ETFB: variants seen among roughly 807,000 people sequenced by gnomAD.
ETFB encodes beta-ETF.
A neutral mutation model predicts 25.6 loss-of-function variants in ETFB; 20 were observed. The observed-to-expected ratio is 0.78, with a 90% CI of 0.55 to 1.14. The LOEUF (loss-of-function observed/expected upper bound fraction) is 1.14. Among genes scored for constraint, ETFB ranks in the 50% most tolerant of loss-of-function variants. ETFB has a pLI of 0.00. For missense variants in ETFB, 286 were observed against 342.6 expected (o/e 0.83, Z 1.30); for synonymous variants, 142 against 146.7 (o/e 0.97, Z 0.23).
intron 1 of ETFB, among the ~76,000 whole-genome samples, chr19:51,360,749 C>T (rs1179235872): frequency 7.3e-5 from 11 of 149,730 alleles, no homozygotes; most frequent in Non-Finnish European, 1.5e-4. Flanking sequence ...TTCTTCTCTT[C>T]TCTTTTCTTT....
intron 1 of ETFB, chr19:51,356,393 G>A (rs911121266): frequency 6.6e-6 from 1 of 152,152 alleles, no homozygotes; most frequent in Admixed American, 6.6e-5. Flanking sequence ...ACCATACTCT[G>A]ACATTTTCTA....
rs754039782 is a variant in ETFB at position 51,350,365 on chromosome 19, T to C, written c.402A>G (p.Thr134=). ...CAAGAAATCCAGCTGTCATCTGCCC[T>C]GTCTGGTTACAGTCATCATCGATGG... ...KQAIDDDCNQ[T]GQMTAGFLDW... is the part of the protein sequence containing the mutation. Residue 134 remains threonine, a synonymous_variant, in exon 4 of 6, where the codon ACA becomes ACG. Transcript: ENST00000309244. 57 of 1,603,060 alleles carry C rather than the reference T, an allele frequency of 3.6e-5. 2 individuals carry two copies. The South Asian group carries it at 5.9e-4, about 17-fold the overall frequency.
intron 1 of ETFB, chr19:51,356,010 T>A (rs550284328): frequency 6.6e-6 from 1 of 151,542 alleles, no homozygotes; most frequent in African/African-American, 2.4e-5. Flanking sequence ...AGTTACTGGG[T>A]GCAGCACACC....
rs186687012 is a variant in ETFB at position 51,349,568 on chromosome 19, C to T, written c.438+761G>A. Among the ~76,000 whole-genome samples, 40 of 152,038 alleles carry T rather than the reference C, an allele frequency of 2.6e-4. No homozygotes were observed. The East Asian group carries it at 7.4e-3, about 28-fold the overall frequency. Reference sequence around the variant, plus strand: ...ACTCAAGGGATCCTCCCACCTCAGCCTCCTGAGGCTGGTACTACAGGCATG... The same window carrying T: ...ACTCAAGGGATCCTCCCACCTCAGCTTCCTGAGGCTGGTACTACAGGCATG... On this transcript the variant is annotated intron_variant, in intron 4 of 5. Transcript: ENST00000309244.
intron 1 of ETFB, among the ~76,000 whole-genome samples, chr19:51,358,851 C>A (rs1207702831): frequency 7.0e-6 from 1 of 143,784 alleles, no homozygotes; most frequent in East Asian, 2.2e-4. Flanking sequence ...AAAAAAAAAA[C>A]AGCCAGGTAT....
chr19:51,349,054 G>A (rs553109995), intron 4 of ETFB, among the ~76,000 whole-genome samples: 1 of 152,162 alleles, frequency 6.6e-6, no homozygotes, highest in Admixed American at 6.5e-5. Flanking sequence ...CAACCATTCC[G>A]TTTTTTTAGT....
intron 5 of ETFB, chr19:51,345,643 AAC>A (rs1413549478): frequency 3.7e-6 from 2 of 536,094 alleles, no homozygotes; most frequent in Non-Finnish European, 6.8e-6. Flanking sequence ...CACTGGCTGC[AAC>A]AGAGTGGCAA....
chr19:51,347,493 C>A, intron 4 of ETFB: 1 of 199,176 alleles, frequency 5.0e-6, no homozygotes, highest in Non-Finnish European at 1.1e-5. Context: ...AATCCAAAAG[C>A]TGACAATCTG....
chr19:51,347,180 G>T, intron 4 of ETFB, 122 bp from the exon 5 acceptor site: 1 of 997,960 alleles, frequency 1.0e-6, no homozygotes, highest in Non-Finnish European at 1.5e-6. Flanking sequence ...AGCGAACAAT[G>T]CAGGGTCCCA....
chr19:51,347,343 T>C lies in ETFB; in HGVS notation c.439-285A>G, dbSNP rs3786629. On this transcript the variant is annotated intron_variant, in intron 4 of 5. Transcript: ENST00000309244. The stretch of plus-strand genomic sequence containing the variant: ...AACATGTACTGAGTGCTGAGCCCTG[T>C]GCTAAGCAACTGATGTATCAAGTCA... The C allele has an allele frequency of 0.53, 227,811 of 427,250 alleles. 61,849 individuals are homozygous for C. The highest frequency in any genetic ancestry group is 0.58 in the Non-Finnish European group (133,942 of 232,814). 26.5% of individuals were successfully genotyped at this position (427,250 alleles called of 1,614,324 possible). A position where few individuals can be genotyped will look rare whatever the true frequency, so the allele number is the denominator to read the frequency against.
intron 1 of ETFB, chr19:51,361,636 G>C (rs1986229836): frequency 6.6e-6 from 1 of 152,000 alleles, no homozygotes; most frequent in Non-Finnish European, 1.5e-5. Context: ...CTATCCTGTG[G>C]GGTCATCTCT....
chr19:51,345,349 C>A lies in ETFB; in HGVS notation c.630G>T (p.Lys210Asn). The A allele has an allele frequency of 6.2e-7, 1 of 1,614,136 alleles. No individual in the cohort carries two copies. Among genetic ancestry groups the A allele is most frequent in the Non-Finnish European group, 8.5e-7 (1 of 1,180,024 alleles). The stretch of plus-strand genomic sequence containing the variant: ...TCAGGTCCACACCCAGGTCCCCAGG[C>A]TTGATCACCTCGATCTTCTTCTTCT... Reference protein sequence around the residue: ...KAKKKKIEVIKPGDLGVDLTS... With the variant: ...KAKKKKIEVINPGDLGVDLTS... Residue 210 changes from lysine to asparagine, a missense_variant, in exon 6 of 6, where the codon AAG becomes AAT. By Grantham distance (94) the Lys-to-Asn change is moderately conservative. Coordinates refer to ENST00000309244, the MANE Select transcript of ETFB (RefSeq NM_001985.3).
chr19:51,361,696 G>GTTTTTT (rs1568470352), intron 1 of ETFB: 2 of 125,892 alleles, frequency 1.6e-5, no homozygotes, highest in African/African-American at 6.4e-5. Flanking sequence ...GCCTCTCCTG[G>GTTTTTT]GTTTTTTTTT....
chr19:51,354,196 A>G lies in ETFB; in HGVS notation c.170T>C (p.Leu57Pro), dbSNP rs752825481. The G allele has an allele frequency of 6.2e-7, 1 of 1,613,900 alleles. No homozygotes were observed. The highest frequency in any genetic ancestry group is 1.3e-5 in the African/African-American group (1 of 74,850). The change falls in exon 2 of 6, where the codon CTG becomes CCG. Residue 57 changes from leucine to proline, a missense_variant. Coordinates refer to ENST00000309244, the MANE Select transcript of ETFB (RefSeq NM_001985.3). ...GCTGACGGCGATGACCTCCTTCACC[A>G]GCTTCTTCTCCTTGAGCCGCACAGC... The part of the protein sequence containing the change: ...EEAVRLKEKK[L>P]VKEVIAVSCG...
rs376679757 is a variant in ETFB at position 51,346,915 on chromosome 19, C to T, written c.582G>A (p.Thr194=). ...AGGGGCTCACCATGATGTTGGGCAG[C>T]GTGGCGTAGCGGGGCTCGTTGAGCC... The part of the protein sequence containing the change: ...DLRLNEPRYA[T]LPNIMKAKKK... Residue 194 remains threonine, a synonymous_variant, in exon 5 of 6, where the codon ACG becomes ACA. Transcript: ENST00000309244. The T allele has an allele frequency of 1.8e-5, 28 of 1,556,064 alleles. No homozygotes were observed. Among genetic ancestry groups the T allele is most frequent in the Middle Eastern group, 1.7e-4 (1 of 5,984 alleles).
At chr19:51,361,060 C>A (rs1267208417) in intron 1 of ETFB, among the ~76,000 whole-genome samples, 1 of 152,058 alleles carries the variant, frequency 6.6e-6, no homozygotes, top group Non-Finnish European at 1.5e-5. Flanking sequence ...GCTGAGATTA[C>A]ACGTGTGGGC....
chr19:51,354,773 C>T, intron 1 of ETFB: 1 of 974,150 alleles, frequency 1.0e-6, no homozygotes, highest in Non-Finnish European at 1.5e-6. Context: ...TGAAAAATCA[C>T]AGCTACAGGC....
rs147353845 is a variant in ETFB at position 51,362,439 on chromosome 19, G to A, written c.57+3831C>T. 4.4e-3 allele frequency among the ~76,000 whole-genome samples: 666 copies of A among 150,158 alleles called. 3 individuals are homozygous for A. The highest frequency in any genetic ancestry group is 0.014 in the African/African-American group (575 of 40,660). ...CTAAAAATACAAAAATTAGCCAGGC[G>A]TGGTGGCTCACACGTGTAATCCCAG... is the stretch of plus-strand genomic sequence containing the variant. On this transcript the variant is annotated intron_variant, in intron 1 of 5. Coordinates refer to ENST00000309244, the MANE Select transcript of ETFB (RefSeq NM_001985.3).
intron 4 of ETFB, 160 bp from the exon 5 acceptor site, chr19:51,347,218 T>C (rs1234032641): frequency 2.8e-6 from 2 of 707,450 alleles, no homozygotes; most frequent in East Asian, 2.7e-5. Flanking sequence ...CTTGTACACC[T>C]GGGAGAGGGT....
Sources: allele counts gnomAD v4.1 joint callset (sites outside exome capture counted in the v4.1 genomes callset), GRCh38; gene constraint gnomAD v4.1.1; transcripts MANE v1.5; gene names NCBI Gene and HGNC (gene_info 2026-07-23, HGNC 2026-07-21).